NRG1: variants seen among roughly 807,000 people sequenced by gnomAD.
NRG1 encodes the protein pro-neuregulin-1, membrane-bound isoform.
A neutral mutation model predicts 63.8 loss-of-function variants in NRG1; 18 were observed. That is an observed-to-expected ratio of 0.28 (90% CI 0.19 to 0.42). NRG1 has a LOEUF of 0.42. NRG1 is among the 10% of genes least tolerant of loss of function. The probability of loss-of-function intolerance (pLI) is 1.00; values close to 1 mark genes in which losing one functional copy is unlikely to be tolerated. For synonymous variants in NRG1, 302 were observed against 301.3 expected (o/e 1.00, Z -0.02); for missense variants, 762 against 814.7 (o/e 0.94, Z 0.79).
chr8:32,412,642 C>T (rs760989451), intron 1 of NRG1, among the ~76,000 whole-genome samples: 1 of 151,586 alleles, frequency 6.6e-6, no homozygotes, highest in Non-Finnish European at 1.5e-5. Flanking sequence ...TTGCTGCACA[C>T]CTAACCTGAT....
chr8:31,718,525 C>A (rs1424282585), intron 1 of NRG1, among the ~76,000 whole-genome samples: 1 of 152,184 alleles, frequency 6.6e-6, no homozygotes, highest in Admixed American at 6.5e-5. Context: ...TGTGTACCAT[C>A]CCCAATTCTC....
At chr8:32,595,160 G>A (rs1274316398) in intron 1 of NRG1, among the ~76,000 whole-genome samples, 1 of 151,736 alleles carries the variant, frequency 6.6e-6, no homozygotes, top group Non-Finnish European at 1.5e-5. Context: ...ATAATGGCCC[G>A]GTTACATATT....
chr8:31,775,872 G>A (rs1336904854), intron 1 of NRG1, among the ~76,000 whole-genome samples: 3 of 96,540 alleles, frequency 3.1e-5, no homozygotes, highest in East Asian at 3.8e-4. Context: ...GACAGAGCAA[G>A]ACTCCGTCTC....
chr8:31,991,570 T>C (rs566613661), intron 1 of NRG1, among the ~76,000 whole-genome samples: 2 of 152,076 alleles, frequency 1.3e-5, no homozygotes, highest in Non-Finnish European at 2.9e-5. Context: ...TAGGATATAG[T>C]ATTTGGAGAT....
chr8:32,733,672 G>A (rs1564065339), intron 6 of NRG1, among the ~76,000 whole-genome samples: 3 of 152,056 alleles, frequency 2.0e-5, no homozygotes, highest in Admixed American at 6.6e-5. Context: ...TTAAAACACA[G>A]AGAAAATATA....
intron 1 of NRG1, among the ~76,000 whole-genome samples, chr8:32,483,376 A>G (rs915812437): frequency 1.3e-5 from 2 of 152,204 alleles, no homozygotes; most frequent in African/African-American, 4.8e-5. Flanking sequence ...ATAAACCAAA[A>G]GAATTGTAGT....
chr8:32,094,449 T>C (rs1274484186), intron 1 of NRG1, among the ~76,000 whole-genome samples: 1 of 152,192 alleles, frequency 6.6e-6, no homozygotes, highest in East Asian at 1.9e-4. Context: ...TTGTTATCTT[T>C]CCACCAAGTT....
chr8:31,860,324 T>A (rs1040615330), intron 1 of NRG1, among the ~76,000 whole-genome samples: 1 of 152,218 alleles, frequency 6.6e-6, no homozygotes, highest in African/African-American at 2.4e-5. Context: ...CTCATAATGC[T>A]GAAGACATAG....
At chr8:31,778,507 C>T (rs1387268725) in intron 1 of NRG1, among the ~76,000 whole-genome samples, 1 of 152,194 alleles carries the variant, frequency 6.6e-6, no homozygotes, top group African/African-American at 2.4e-5. Context: ...CTTTATTATT[C>T]TTTCCTCAGT....
At chr8:32,575,011 G>T (rs570918362) in intron 1 of NRG1, among the ~76,000 whole-genome samples, 1 of 152,230 alleles carries the variant, frequency 6.6e-6, no homozygotes, top group South Asian at 2.1e-4. Flanking sequence ...GATGACTCAG[G>T]AACAGAAGTA....
At chr8:32,042,489 T>C (rs1820223578) in intron 1 of NRG1, among the ~76,000 whole-genome samples, 1 of 151,822 alleles carries the variant, frequency 6.6e-6, no homozygotes. Flanking sequence ...TAATATTCAG[T>C]AAGTCTAGCA....
chr8:32,569,402 T>A (rs1838088782), intron 1 of NRG1, among the ~76,000 whole-genome samples: 1 of 152,226 alleles, frequency 6.6e-6, no homozygotes, highest in African/African-American at 2.4e-5. Flanking sequence ...TGTGCATGTA[T>A]ACGTACATTT....
intron 1 of NRG1, among the ~76,000 whole-genome samples, chr8:31,689,543 T>C (rs1359548941): frequency 6.6e-6 from 1 of 152,224 alleles, no homozygotes; most frequent in Non-Finnish European, 1.5e-5. Context: ...ATACTTTTTC[T>C]TCTTGCCCGC....
intron 1 of NRG1, among the ~76,000 whole-genome samples, chr8:32,215,754 G>A (rs975172311): frequency 2.0e-5 from 3 of 152,152 alleles, no homozygotes; most frequent in African/African-American, 2.4e-5. Context: ...CGAAAACATT[G>A]GTAGTTGCAG....
chr8:32,533,417 C>G (rs543471781), intron 1 of NRG1, among the ~76,000 whole-genome samples: 1 of 152,052 alleles, frequency 6.6e-6, no homozygotes, highest in Non-Finnish European at 1.5e-5. Context: ...TGGGCAACTA[C>G]TTAAATGTTT....
intron 1 of NRG1, among the ~76,000 whole-genome samples, chr8:31,860,378 A>G (rs548968675): frequency 1.9e-4 from 29 of 152,332 alleles, no homozygotes; most frequent in African/African-American, 7.0e-4. Context: ...GCAGCAAAAT[A>G]GTTCCGTGGA....
chr8:31,685,427 C>T (rs879765062), intron 1 of NRG1, among the ~76,000 whole-genome samples: 1 of 152,108 alleles, frequency 6.6e-6, no homozygotes. Flanking sequence ...GGGATTTATA[C>T]TTTGTAAAAG....
At chr8:32,174,467 A>G (rs1212672359) in intron 1 of NRG1, among the ~76,000 whole-genome samples, 6 of 152,204 alleles carry the variant, frequency 3.9e-5, no homozygotes, top group Non-Finnish European at 8.8e-5. Context: ...AGCAGAAGGC[A>G]AGAAATAACT....
rs1183401748 is a variant in NRG1 at position 31,807,247 on chromosome 8, C to T, written c.37+167816C>T. The stretch of plus-strand genomic sequence containing the variant: ...CTTGGCTACACTCTCAGCTTTGATA[C>T]ACTACTTGAGCATGTGGAGGTTTAC... On this transcript the variant is annotated intron_variant, in intron 1 of 10. Transcript: ENST00000519301. 2.6e-5 allele frequency among the ~76,000 whole-genome samples: 4 copies of T among 152,200 alleles called. No individual in the cohort carries two copies. The East Asian group carries it at 5.8e-4, about 22-fold the overall frequency.
Sources: gnomAD v4.1 joint callset for allele counts (sites outside exome capture counted in the v4.1 genomes callset) on GRCh38, gnomAD v4.1.1 for gene constraint, MANE v1.5 for transcripts, NCBI Gene and HGNC (gene_info 2026-07-23, HGNC 2026-07-21) for gene names.